The following HECW2 variants were observed in gnomAD, a reference collection of about 807,000 sequenced individuals.
The protein encoded by HECW2 is HECT, C2 and WW domain containing E3 ubiquitin protein ligase 2.
A neutral mutation model predicts 175.2 loss-of-function variants in HECW2; 61 were observed. That is an observed-to-expected ratio of 0.35 (90% CI 0.28 to 0.43). HECW2 has a LOEUF of 0.43. Among genes scored for constraint, HECW2 ranks in the 20% least tolerant of loss-of-function variants. The pLI is 1.00. For synonymous variants in HECW2, 671 were observed against 731.0 expected (o/e 0.92, Z 1.32); for missense variants, 1,524 against 2,000.5 (o/e 0.76, Z 4.54).
intron 1 of HECW2, among the ~76,000 whole-genome samples, chr2:196,453,018 T>C (rs1696392654): frequency 6.6e-6 from 1 of 152,210 alleles, no homozygotes; most frequent in Admixed American, 6.5e-5. Flanking sequence ...GCTTATTTTC[T>C]GTAAAATTTG....
intron 2 of HECW2, among the ~76,000 whole-genome samples, chr2:196,415,187 T>A (rs533173178): frequency 9.2e-5 from 14 of 152,298 alleles, no homozygotes; most frequent in Admixed American, 7.8e-4. Context: ...GAACCTGTTA[T>A]CTTTGTCAAA....
At chr2:196,395,798 A>C (rs575847482) in intron 2 of HECW2, among the ~76,000 whole-genome samples, 1 of 152,202 alleles carries the variant, frequency 6.6e-6, no homozygotes, top group East Asian at 1.9e-4. Flanking sequence ...GAAATGGTGC[A>C]GCTGCTATGA....
intron 28 of HECW2, among the ~76,000 whole-genome samples, chr2:196,203,083 A>G (rs1277506872): frequency 6.6e-6 from 1 of 152,108 alleles, no homozygotes; most frequent in Non-Finnish European, 1.5e-5. Context: ...GCACTCAAAA[A>G]GTTTTGGATT....
chr2:196,325,196 AG>A (rs767614460), intron 5 of HECW2, 47 bp from the exon 6 acceptor site: 7 of 1,410,792 alleles, frequency 5.0e-6, no homozygotes, highest in African/African-American at 4.3e-5. Flanking sequence ...AGAAAGCAGG[AG>A]GGAGGGAGGA....
chr2:196,567,193 C>T lies in HECW2; in HGVS notation c.-36+26315G>A, dbSNP rs1351149992. On this transcript the variant is annotated intron_variant, in intron 1 of 28. Coordinates refer to ENST00000644978, the MANE Select transcript of HECW2 (RefSeq NM_001348768.2). ...TGACCGCACAGATGACAAGGGATGG[C>T]AGAGCAACAAAATACAAGAAATGGG... Among the ~76,000 whole-genome samples the T allele has an allele frequency of 3.9e-5, 6 of 152,290 alleles. No individual in the cohort carries two copies. The East Asian group carries it at 1.2e-3, about 29-fold the overall frequency.
intron 6 of HECW2, among the ~76,000 whole-genome samples, chr2:196,323,908 G>GTT (rs1227754141): frequency 3.5e-4 from 22 of 63,216 alleles, no homozygotes; most frequent in African/African-American, 9.1e-4. Flanking sequence ...AGTTTTTTTT[G>GTT]TTTTTTGTTT....
chr2:196,439,557 T>C (rs984983387), intron 1 of HECW2, among the ~76,000 whole-genome samples: 1 of 152,112 alleles, frequency 6.6e-6, no homozygotes, highest in African/African-American at 2.4e-5. Flanking sequence ...TATTAAAAAG[T>C]AATGACAACC....
Position 196,458,663 on chromosome 2 carries a change from C to G in HECW2, c.-35-25205G>C, listed in dbSNP as rs375009306. On this transcript the variant is annotated intron_variant, in intron 1 of 28. Transcript: ENST00000644978. ...CGGGTGGATCACGAGGTCAAGAGAT[C>G]GAGACCATCATGGCCAACATGGTGA... Among the ~76,000 whole-genome samples, 21 of 151,914 alleles carry G rather than the reference C, an allele frequency of 1.4e-4. No individual in the cohort carries two copies. In the East Asian group the frequency reaches 4.1e-3, roughly 29 times the overall value.
intron 3 of HECW2, among the ~76,000 whole-genome samples, chr2:196,335,571 C>T (rs1012571328): frequency 6.6e-6 from 1 of 152,144 alleles, no homozygotes; most frequent in Non-Finnish European, 1.5e-5. Flanking sequence ...CTCGACTGTA[C>T]CAAATGGCCT....
chr2:196,349,385 A>G (rs932680532), intron 2 of HECW2, among the ~76,000 whole-genome samples: 21 of 152,338 alleles, frequency 1.4e-4, no homozygotes, highest in African/African-American at 5.0e-4. Context: ...GTTAATACAT[A>G]TATACCCAAA....
At chr2:196,276,693 T>C (rs542537703) in intron 15 of HECW2, among the ~76,000 whole-genome samples, 8 of 152,298 alleles carry the variant, frequency 5.3e-5, no homozygotes, top group Non-Finnish European at 1.0e-4. Flanking sequence ...GACAGCAAGG[T>C]AAAGATTTAT....
At chr2:196,368,730 T>A (rs149574569) in intron 2 of HECW2, among the ~76,000 whole-genome samples, 1 of 152,206 alleles carries the variant, frequency 6.6e-6, no homozygotes, top group Non-Finnish European at 1.5e-5. Flanking sequence ...AATTTTTTCT[T>A]CTGCTTGATC....
chr2:196,361,273 T>C (rs561267688), intron 2 of HECW2, among the ~76,000 whole-genome samples: 26 of 152,176 alleles, frequency 1.7e-4, no homozygotes, highest in Admixed American at 4.6e-4. Flanking sequence ...ATTCTCAAGT[T>C]AAAAGTGTTG....
intron 2 of HECW2, among the ~76,000 whole-genome samples, chr2:196,374,629 C>T (rs541485240): frequency 3.9e-5 from 6 of 152,260 alleles, no homozygotes; most frequent in South Asian, 2.1e-4. Flanking sequence ...ATTTGAAAAT[C>T]TTATTTGTAC....
intron 1 of HECW2, among the ~76,000 whole-genome samples, chr2:196,513,383 C>A (rs1688026721): frequency 6.6e-6 from 1 of 152,178 alleles, no homozygotes; most frequent in Admixed American, 6.5e-5. Context: ...TTGGCACATG[C>A]CTGTATTCCC....
chr2:196,353,006 T>A (rs1693224331), intron 2 of HECW2, among the ~76,000 whole-genome samples: 1 of 152,198 alleles, frequency 6.6e-6, no homozygotes, highest in Non-Finnish European at 1.5e-5. Flanking sequence ...CAGAGTGAAA[T>A]CCAAAGTGTT....
At chr2:196,555,301 C>T (rs1689756035) in intron 1 of HECW2, among the ~76,000 whole-genome samples, 1 of 152,094 alleles carries the variant, frequency 6.6e-6, no homozygotes, top group Non-Finnish European at 1.5e-5. Flanking sequence ...CTTTCTGATT[C>T]AGAGCTCCTT....
chr2:196,215,597 T>G (rs949355017), intron 28 of HECW2, among the ~76,000 whole-genome samples: 1 of 152,218 alleles, frequency 6.6e-6, no homozygotes, highest in African/African-American at 2.4e-5. Flanking sequence ...GCCACAAGCA[T>G]GATAACCAAC....
At chr2:196,460,578 G>A (rs1257774184) in intron 1 of HECW2, among the ~76,000 whole-genome samples, 1 of 151,100 alleles carries the variant, frequency 6.6e-6, no homozygotes, top group Non-Finnish European at 1.5e-5. Flanking sequence ...TTTTCTCCCA[G>A]GGCAGGGAAA....
Sources: gnomAD v4.1 joint callset for allele counts (sites outside exome capture counted in the v4.1 genomes callset) on GRCh38, gnomAD v4.1.1 for gene constraint, MANE v1.5 for transcripts, NCBI Gene and HGNC (gene_info 2026-07-23, HGNC 2026-07-21) for gene names.